KCNN1: variants seen among roughly 807,000 people sequenced by gnomAD.
The protein encoded by KCNN1 is potassium calcium-activated channel subfamily N member 1.
KCNN1 carries 20 observed loss-of-function variants against 44.7 expected under a neutral mutation model. The ratio of observed to expected loss-of-function variants is 0.45; its 90% CI spans 0.32 to 0.65. The LOEUF is 0.65. Among genes scored for constraint, KCNN1 ranks in the 30% least tolerant of loss-of-function variants. KCNN1 has a pLI of 0.05. For missense variants in KCNN1, 632 were observed against 785.3 expected, an observed-to-expected ratio of 0.80 and a Z score of 2.33; for synonymous variants, 324 against 341.7, an observed-to-expected ratio of 0.95 and a Z score of 0.57.
At chr19:17,970,325 T>G (rs2031972979) in intron 1 of KCNN1, among the ~76,000 whole-genome samples, 1 of 79,262 alleles carries the variant, frequency 1.3e-5, no homozygotes, top group African/African-American at 5.7e-5. Context: ...TTTTTTTTTT[T>G]TTTTTTTTTG....
intron 9 of KCNN1, among the ~76,000 whole-genome samples, chr19:17,996,852 G>A (rs1474564119): frequency 6.6e-6 from 1 of 152,188 alleles, no homozygotes; most frequent in Non-Finnish European, 1.5e-5. Flanking sequence ...GAGGAAGCTG[G>A]GAGGAAGAGG....
chr19:17,999,067 T>C lies in KCNN1; in HGVS notation c.*661T>C, dbSNP rs944201199. 6.6e-6 allele frequency: 1 copy of C among 152,278 alleles called. No homozygotes were observed. Among genetic ancestry groups the C allele is most frequent in the African/African-American group, 2.4e-5 (1 of 41,452 alleles). 9.4% of individuals were successfully genotyped at this position (152,278 alleles called of 1,614,324 possible). On this transcript the variant is annotated 3_prime_UTR_variant, in exon 10 of 10. Transcript: ENST00000684775. Reference sequence around the variant, plus strand: ...GGGTGAGGAAGGTCATTTGGGTTTTTGTGAGATTTGTATTGAGCACCTGCT... The same window carrying C: ...GGGTGAGGAAGGTCATTTGGGTTTTCGTGAGATTTGTATTGAGCACCTGCT...
At chr19:17,962,556 T>G (rs535013615), upstream of KCNN1, among the ~76,000 whole-genome samples, 10 of 152,208 alleles carry the variant, frequency 6.6e-5, no homozygotes, top group African/African-American at 2.4e-4. Context: ...GCTCAGTAGA[T>G]GCTGATGGAA....
intron 1 of KCNN1, 46 bp from the exon 2 acceptor site, chr19:17,973,762 A>G: frequency 6.9e-7 from 1 of 1,450,450 alleles, no homozygotes; most frequent in Non-Finnish European, 9.0e-7. Context: ...CTTTCTGGTC[A>G]GTAAGCTGGA....
intron 5 of KCNN1, among the ~76,000 whole-genome samples, chr19:17,986,440 G>A (rs189900040): frequency 1.3e-5 from 2 of 152,016 alleles, no homozygotes; most frequent in African/African-American, 2.4e-5. Context: ...GCTGACTTTC[G>A]GGGTGTTCCC....
At chr19:17,976,535 CAG>C (rs1326580433) in intron 3 of KCNN1, among the ~76,000 whole-genome samples, 1 of 151,342 alleles carries the variant, frequency 6.6e-6, no homozygotes, top group Non-Finnish European at 1.5e-5. Context: ...TCTCCTGCTT[CAG>C]CCTCCCGAGC....
upstream of KCNN1, among the ~76,000 whole-genome samples, chr19:17,963,033 T>C (rs943603936): frequency 1.8e-5 from 2 of 113,370 alleles, no homozygotes; most frequent in Non-Finnish European, 3.5e-5. Context: ...TGAGACGGAG[T>C]CTTGCTCTGT....
intron 1 of KCNN1, among the ~76,000 whole-genome samples, chr19:17,969,582 A>G (rs1041448863): frequency 4.0e-5 from 6 of 151,442 alleles, no homozygotes; most frequent in Admixed American, 6.6e-5. Context: ...GCACCTTAGG[A>G]CGCGGCTGCC....
chr19:17,953,385 C>G (rs747026698), intron 1 of KCNN1, among the ~76,000 whole-genome samples: 30 of 152,214 alleles, frequency 2.0e-4, no homozygotes, highest in Non-Finnish European at 2.1e-4. Flanking sequence ...ACAGGTGGCC[C>G]CTGAGCCATC....
Position 17,975,242 on chromosome 19 carries a change from C to G in KCNN1, c.498+55C>G, listed in dbSNP as rs369842978. On this transcript the variant is annotated intron_variant, in intron 3 of 9. Transcript: ENST00000684775. Reference sequence around the variant, plus strand: ...CCTCTCCTCAAACCCCAGATCCCCCCACACCAGCCCACCTTAGACCCCATC... The same window carrying G: ...CCTCTCCTCAAACCCCAGATCCCCCGACACCAGCCCACCTTAGACCCCATC... 1.2e-3 allele frequency: 1,582 copies of G among 1,284,036 alleles called. 2 individuals carry two copies. The highest frequency in any genetic ancestry group is 1.6e-3 in the Non-Finnish European group (1,437 of 880,670). 79.5% of individuals were successfully genotyped at this position (1,284,036 alleles called of 1,614,324 possible). A position where few individuals can be genotyped will look rare whatever the true frequency, so the allele number is the denominator to read the frequency against.
chr19:17,975,279 T>G lies in KCNN1; in HGVS notation c.498+92T>G. On this transcript the variant is annotated intron_variant, in intron 3 of 9. Transcript: ENST00000684775. ...CCTTAGACCCCATCCCCTCAAAACATAAAAGGATGTATAATTGGCTTCTGA... is the reference window on the plus strand; with the variant it reads ...CCTTAGACCCCATCCCCTCAAAACAGAAAAGGATGTATAATTGGCTTCTGA... The G allele has an allele frequency of 2.4e-6, 2 of 832,622 alleles. 1 individual carries two copies. The highest frequency in any genetic ancestry group is 3.1e-5 in the South Asian group (2 of 65,152). 51.6% of individuals were successfully genotyped at this position (832,622 alleles called of 1,614,324 possible).
intron 1 of KCNN1, among the ~76,000 whole-genome samples, chr19:17,952,891 G>A (rs2031450468): frequency 6.6e-6 from 1 of 152,100 alleles, no homozygotes; most frequent in Non-Finnish European, 1.5e-5. Context: ...CCCAGAGAGG[G>A]TTACCACTCG....
chr19:17,962,753 G>T (rs1020698998), upstream of KCNN1, among the ~76,000 whole-genome samples: 2 of 151,938 alleles, frequency 1.3e-5, no homozygotes, highest in Non-Finnish European at 2.9e-5. Flanking sequence ...TGTCACCCAG[G>T]CTGGAGTGCA....
chr19:17,966,482 C>A (rs1418897114), upstream of KCNN1, among the ~76,000 whole-genome samples: 2 of 152,172 alleles, frequency 1.3e-5, no homozygotes, highest in Admixed American at 1.3e-4. Flanking sequence ...CCTGGTGATC[C>A]CAAACTCCCT....
chr19:17,989,931 C>T (rs1211602826), intron 7 of KCNN1, 88 bp downstream of exon 7: 27 of 1,595,084 alleles, frequency 1.7e-5, no homozygotes, highest in Non-Finnish European at 2.3e-5. Context: ...CTTCACGGCT[C>T]CCTGCCAGGG....
At chr19:17,954,853 C>G (rs1028873839) in intron 2 of KCNN1, among the ~76,000 whole-genome samples, 1 of 151,862 alleles carries the variant, frequency 6.6e-6, no homozygotes, top group Non-Finnish European at 1.5e-5. Flanking sequence ...GTTTGGCCGA[C>G]ATGGCGAAAC....
chr19:17,953,190 C>T (rs1295068362), intron 1 of KCNN1, among the ~76,000 whole-genome samples: 1 of 152,214 alleles, frequency 6.6e-6, no homozygotes, highest in African/African-American at 2.4e-5. Context: ...TCCCAGCCTC[C>T]TCAGGCTGCC....
intron 1 of KCNN1, among the ~76,000 whole-genome samples, chr19:17,971,239 A>C (rs2032012419): frequency 6.6e-6 from 1 of 152,080 alleles, no homozygotes; most frequent in Non-Finnish European, 1.5e-5. Flanking sequence ...TGTCACCCCC[A>C]GTGGGGGTGG....
At chr19:17,970,771 G>A (rs922033363) in intron 1 of KCNN1, among the ~76,000 whole-genome samples, 6 of 152,096 alleles carry the variant, frequency 3.9e-5, no homozygotes, top group African/African-American at 7.2e-5. Flanking sequence ...ACCAGTATCT[G>A]GAGACACATC....
Sources: allele counts gnomAD v4.1 joint callset (sites outside exome capture counted in the v4.1 genomes callset), GRCh38; gene constraint gnomAD v4.1.1; transcripts MANE v1.5; gene names NCBI Gene and HGNC (gene_info 2026-07-23, HGNC 2026-07-21).